The following ULK2 variants were observed in gnomAD, a reference collection of about 807,000 sequenced individuals.
ULK2 encodes the protein unc-51 like autophagy activating kinase 2.
ULK2 carries 76 observed loss-of-function variants against 127.5 expected under a neutral mutation model. The ratio of observed to expected loss-of-function variants is 0.60; its 90% CI spans 0.50 to 0.72. The LOEUF is 0.72. ULK2 is among the 30% of genes least tolerant of loss of function. The pLI, the probability that ULK2 is intolerant of heterozygous loss-of-function variation, is 0.00. For missense variants in ULK2, 1,144 were observed against 1,295.9 expected (o/e 0.88, Z 1.80); for synonymous variants, 452 against 461.9 (o/e 0.98, Z 0.28).
intron 3 of ULK2, among the ~76,000 whole-genome samples, chr17:19,858,104 AATAGTAACT>A (rs1217323124): frequency 6.6e-6 from 1 of 152,110 alleles, no homozygotes; most frequent in Non-Finnish European, 1.5e-5. Context: ...CACACTTGGA[AATAGTAACT>A]ATTGGCCCGG....
In ULK2 at chr17:19,824,861, G is replaced by A. The variant is rs149953159; in HGVS notation, c.924+233C>T. Among the ~76,000 whole-genome samples, 377 of 152,268 alleles carry A rather than the reference G, an allele frequency of 2.5e-3. 16 individuals carry two copies. The East Asian group carries it at 0.061, about 24-fold the overall frequency. ...GATAGTGCTATACTCACTGTTCAGAGGAAAATGGCCCAGAGAGGTGACATT... is the reference window on the plus strand; with the variant it reads ...GATAGTGCTATACTCACTGTTCAGAAGAAAATGGCCCAGAGAGGTGACATT... On this transcript the variant is annotated intron_variant, in intron 12 of 26. Coordinates refer to ENST00000395544, the MANE Select transcript of ULK2 (RefSeq NM_014683.4).
At chr17:19,818,797 C>CTTTTTTTT (rs71157835) in intron 12 of ULK2, among the ~76,000 whole-genome samples, 42 of 77,748 alleles carry the variant, frequency 5.4e-4, no homozygotes, top group East Asian at 1.6e-3. Context: ...TTTCTTTTTT[C>CTTTTTTTT]TTTTTTTTTT....
At chr17:19,832,826 C>A (rs563218622) in intron 10 of ULK2, among the ~76,000 whole-genome samples, 52 of 152,136 alleles carry the variant, frequency 3.4e-4, no homozygotes, top group African/African-American at 1.2e-3. Flanking sequence ...AGTTACTAAA[C>A]AAATAGAACA....
intron 14 of ULK2, among the ~76,000 whole-genome samples, chr17:19,808,820 T>C (rs1279756295): frequency 1.3e-5 from 2 of 152,186 alleles, no homozygotes; most frequent in East Asian, 1.9e-4. Flanking sequence ...CTGTGCACTG[T>C]TGGTTGGACT....
intron 3 of ULK2, among the ~76,000 whole-genome samples, chr17:19,855,094 C>A: frequency 7.7e-6 from 1 of 130,090 alleles, no homozygotes. Context: ...AACAAGATTC[C>A]ATCTCAAAAA....
At chr17:19,856,600 G>A (rs1048620248) in intron 3 of ULK2, among the ~76,000 whole-genome samples, 1 of 150,094 alleles carries the variant, frequency 6.7e-6, no homozygotes, top group Admixed American at 6.7e-5. Context: ...AAAAAAAAAA[G>A]TTTGAAATTC....
rs1458421220 is a variant in ULK2 at position 19,776,142 on chromosome 17, GA to G, written c.*206del. On this transcript the variant is annotated 3_prime_UTR_variant, in exon 27 of 27. Coordinates refer to ENST00000395544, the MANE Select transcript of ULK2 (RefSeq NM_014683.4). ...GCTCCTGCTTCTACAAAGAAAAAGGGAAAGGGTGATTTTCTCCAATAAGGCA... is the reference window on the plus strand; with the variant it reads ...GCTCCTGCTTCTACAAAGAAAAAGGGAAGGGTGATTTTCTCCAATAAGGCA... 3 of 506,552 alleles carry G rather than the reference GA, an allele frequency of 5.9e-6. No individual in the cohort carries two copies. The highest frequency in any genetic ancestry group is 1.1e-5 in the Non-Finnish European group (3 of 284,942). The allele number at this position is 506,552 out of a possible 1,614,324, so 31.4% of individuals were successfully genotyped here. A position where few individuals can be genotyped will look rare whatever the true frequency, so the allele number is the denominator to read the frequency against.
intron 3 of ULK2, among the ~76,000 whole-genome samples, chr17:19,856,817 C>CA (rs2042139797): frequency 6.7e-6 from 1 of 149,222 alleles, no homozygotes; most frequent in Non-Finnish European, 1.5e-5. Context: ...CTAAAAAATA[C>CA]AAAAACAAAA....
At chr17:19,840,306 G>A (rs2041712784) in intron 9 of ULK2, 20 of 524,556 alleles carry the variant, frequency 3.8e-5, no homozygotes, top group South Asian at 1.7e-4. Flanking sequence ...AGGGCTCATC[G>A]AAGATCCTGC....
At chr17:19,804,657 A>C (rs1322905320) in intron 15 of ULK2, 36 bp downstream of exon 15, 1 of 1,539,900 alleles carries the variant, frequency 6.5e-7, no homozygotes, top group Admixed American at 2.0e-5. Context: ...AAAGGAGATG[A>C]AAAAGAATTA....
In ULK2 at chr17:19,771,156, A is replaced by T. The variant is rs1477985411; in HGVS notation, c.*5193T>A. The T allele has an allele frequency of 6.6e-6, 1 of 152,118 alleles. No individual in the cohort carries two copies. The highest frequency in any genetic ancestry group is 1.5e-5 in the Non-Finnish European group (1 of 68,018). The allele number at this position is 152,118 out of a possible 1,614,324, so 9.4% of individuals were successfully genotyped here. On this transcript the variant is annotated 3_prime_UTR_variant, in exon 27 of 27. Coordinates refer to ENST00000395544, the MANE Select transcript of ULK2 (RefSeq NM_014683.4). ...GACAGTGTGGGGCTCCTGTGGGGAG[A>T]TGGGTACTCCTGTACCCAGTGTGGC...
intron 8 of ULK2, among the ~76,000 whole-genome samples, chr17:19,842,027 G>C (rs987722000): frequency 6.6e-6 from 1 of 151,910 alleles, no homozygotes; most frequent in Non-Finnish European, 1.5e-5. Flanking sequence ...GGACCCTAAA[G>C]GAATTCAAAG....
rs1428106128 is a variant in ULK2 at position 19,825,163 on chromosome 17, G to T, written c.855C>A (p.Pro285=). 21 of 1,613,956 alleles carry T rather than the reference G, an allele frequency of 1.3e-5. No individual in the cohort carries two copies. The highest frequency in any genetic ancestry group is 1.8e-5 in the Non-Finnish European group (21 of 1,180,020). The change falls in exon 12 of 27, where the codon CCC becomes CCA. Residue 285 remains proline, a synonymous_variant. Coordinates refer to ENST00000395544, the MANE Select transcript of ULK2 (RefSeq NM_014683.4). ...PVKKSCPVPV[P]MYSGSVSGSS... ...TTCCAGAGACAGAACCAGAATACATGGGCACTGGAACTGGGCAAGCTAGGG... is the reference window on the plus strand; with the variant it reads ...TTCCAGAGACAGAACCAGAATACATTGGCACTGGAACTGGGCAAGCTAGGG...
chr17:19,778,623 T>C (rs1016831997), intron 25 of ULK2, among the ~76,000 whole-genome samples: 1 of 152,226 alleles, frequency 6.6e-6, no homozygotes, highest in African/African-American at 2.4e-5. Context: ...TTAAAATGTA[T>C]TTATGCATTC....
intron 3 of ULK2, among the ~76,000 whole-genome samples, chr17:19,857,589 G>A (rs557726552): frequency 2.0e-5 from 3 of 152,024 alleles, no homozygotes; most frequent in Admixed American, 1.3e-4. Context: ...TTTTTCTTGC[G>A]ATACTAAAAA....
At chr17:19,859,837 A>C (rs1437685353) in intron 3 of ULK2, among the ~76,000 whole-genome samples, 2 of 151,988 alleles carry the variant, frequency 1.3e-5, no homozygotes, top group Non-Finnish European at 2.9e-5. Flanking sequence ...GCGCCACCAC[A>C]TCTGGCTAAC....
At chr17:19,778,060 A>C (rs2086844719) in intron 25 of ULK2, among the ~76,000 whole-genome samples, 1 of 152,246 alleles carries the variant, frequency 6.6e-6, no homozygotes, top group African/African-American at 2.4e-5. Context: ...ATTTCATTAA[A>C]GTAGATTTTG....
chr17:19,857,462 T>C (rs1360789858), intron 3 of ULK2, among the ~76,000 whole-genome samples: 1 of 152,210 alleles, frequency 6.6e-6, no homozygotes, highest in Non-Finnish European at 1.5e-5. Flanking sequence ...TTACTTTATA[T>C]ATTTAAGCTT....
intron 20 of ULK2, among the ~76,000 whole-genome samples, chr17:19,795,298 A>G (rs1398871252): frequency 7.0e-6 from 1 of 143,242 alleles, no homozygotes; most frequent in Non-Finnish European, 1.5e-5. Context: ...GTAAATGCTC[A>G]GGAGTACATG....
Sources: gnomAD v4.1 joint callset for allele counts (sites outside exome capture counted in the v4.1 genomes callset) on GRCh38, gnomAD v4.1.1 for gene constraint, MANE v1.5 for transcripts, NCBI Gene and HGNC (gene_info 2026-07-23, HGNC 2026-07-21) for gene names.